TANC2: variants seen among roughly 807,000 people sequenced by gnomAD.
The protein encoded by TANC2 is tetratricopeptide repeat, ankyrin repeat and coiled-coil containing 2.
Under a neutral mutation model 210.5 loss-of-function variants are expected in TANC2, and 26 were observed. The ratio of observed to expected loss-of-function variants is 0.12; its 90% CI spans 0.09 to 0.17. The LOEUF is 0.17. TANC2 is among the 10% of genes least tolerant of loss of function. The pLI is 1.00. For missense variants in TANC2, 2,129 were observed against 2,608.9 expected (o/e 0.82, Z 4.01); for synonymous variants, 931 against 967.1 (o/e 0.96, Z 0.69).
At chr17:63,191,626 C>A (rs1189330561) in intron 5 of TANC2, among the ~76,000 whole-genome samples, 1 of 151,718 alleles carries the variant, frequency 6.6e-6, no homozygotes, top group African/African-American at 2.4e-5. Flanking sequence ...CCACACCCAG[C>A]CAATTTTTGT....
At chr17:63,095,053 A>G (rs979368466) in intron 3 of TANC2, among the ~76,000 whole-genome samples, 1 of 146,484 alleles carries the variant, frequency 6.8e-6, no homozygotes, top group Non-Finnish European at 1.5e-5. Context: ...TCCTTATGCT[A>G]TGCAACTTTG....
intron 7 of TANC2, among the ~76,000 whole-genome samples, chr17:63,225,256 TGAAACTCTC>T (rs966412291): frequency 2.0e-5 from 3 of 152,224 alleles, no homozygotes; most frequent in Non-Finnish European, 4.4e-5. Flanking sequence ...GTTTACTTTT[TGAAACTCTC>T]TCTTGCCTGA....
At chr17:63,165,935 T>C (rs963106173) in intron 5 of TANC2, among the ~76,000 whole-genome samples, 8 of 152,204 alleles carry the variant, frequency 5.3e-5, no homozygotes, top group African/African-American at 1.9e-4. Flanking sequence ...GTAAGAAATA[T>C]CAGTCTTAGA....
chr17:63,197,773 T>C (rs1044266825), intron 6 of TANC2: 4 of 152,162 alleles, frequency 2.6e-5, no homozygotes, highest in Admixed American at 2.6e-4. Context: ...TTAAGGGCAA[T>C]GGGAAAAACA....
intron 19 of TANC2, among the ~76,000 whole-genome samples, chr17:63,404,213 A>G (rs2048429843): frequency 6.6e-6 from 1 of 152,180 alleles, no homozygotes; most frequent in Non-Finnish European, 1.5e-5. Flanking sequence ...TTTTAAAACA[A>G]TAGACTTGTG....
At chr17:63,328,870 T>C (rs2045743726) in intron 11 of TANC2, among the ~76,000 whole-genome samples, 1 of 152,140 alleles carries the variant, frequency 6.6e-6, no homozygotes, top group Non-Finnish European at 1.5e-5. Flanking sequence ...TATATACATA[T>C]ATCAAAACAT....
chr17:63,074,755 T>C (rs1158862863), intron 3 of TANC2, among the ~76,000 whole-genome samples: 2 of 152,120 alleles, frequency 1.3e-5, no homozygotes, highest in Non-Finnish European at 2.9e-5. Flanking sequence ...AGTCACTAAA[T>C]AAATGGTGAA....
At position 63,133,090 on chromosome 17, in the gene TANC2, C is replaced by T. The variant is rs374333749; in HGVS notation, c.323-18180C>T. Among the ~76,000 whole-genome samples, 7 of 152,234 alleles carry T rather than the reference C, an allele frequency of 4.6e-5. No individual in the cohort carries two copies. The East Asian group carries it at 9.6e-4, about 21-fold the overall frequency. On this transcript the variant is annotated intron_variant, in intron 4 of 27. Coordinates refer to ENST00000689528, the Ensembl canonical transcript of TANC2. Reference sequence around the variant, plus strand: ...CTGGGTTCAAGCGATTCTCCTGCCTCAGTCTCCCAAGCAGCTGAGATTACA... The same window carrying T: ...CTGGGTTCAAGCGATTCTCCTGCCTTAGTCTCCCAAGCAGCTGAGATTACA...
rs1567826569 is a variant in TANC2, at chr17:63,220,716, A to AT, written c.770-17098_770-17097insT. Reference sequence around the variant, plus strand: ...AAGAATCAGTCTCAAAAAAAAAAAAAAAAATATATATATATATATATGTAT... The same window carrying AT: ...AAGAATCAGTCTCAAAAAAAAAAAAATAAAATATATATATATATATATGTAT... On this transcript the variant is annotated intron_variant, in intron 7 of 27. Transcript: ENST00000689528. Among the ~76,000 whole-genome samples the AT allele has an allele frequency of 4.0e-4, 51 of 127,064 alleles. 2 individuals are homozygous for AT. The highest frequency in any genetic ancestry group is 2.1e-3 in the East Asian group (10 of 4,810). The allele number at this position is 127,064 out of a possible 152,430, so 83.4% of individuals were successfully genotyped here. A position where few individuals can be genotyped will look rare whatever the true frequency, so the allele number is the denominator to read the frequency against.
In TANC2 at chr17:63,232,868, G is replaced by A. The variant is rs941155485; in HGVS notation, c.770-4946G>A. 3.3e-5 allele frequency among the ~76,000 whole-genome samples: 5 copies of A among 152,224 alleles called. No homozygotes were observed. In the East Asian group the frequency reaches 7.7e-4, roughly 23 times the overall value. On this transcript the variant is annotated intron_variant, in intron 7 of 27. Transcript: ENST00000689528. ...GCCAGCAGCGGGAAAGACTAAGTCC[G>A]CTGATCAACCGAGACTGCGGCTGCA... is the stretch of plus-strand genomic sequence containing the variant.
At chr17:62,986,851 G>A (rs944331382) in intron 1 of TANC2, among the ~76,000 whole-genome samples, 1 of 152,044 alleles carries the variant, frequency 6.6e-6, no homozygotes, top group South Asian at 2.1e-4. Context: ...CTGCAGAGCT[G>A]TTCCTCAGGC....
At chr17:63,247,769 T>C (rs2042957213) in intron 8 of TANC2, among the ~76,000 whole-genome samples, 1 of 152,112 alleles carries the variant, frequency 6.6e-6, no homozygotes, top group South Asian at 2.1e-4. Flanking sequence ...GTAGTACATA[T>C]TGACTGTGTT....
At chr17:63,410,340 C>CG (rs1567995889) in intron 21 of TANC2, among the ~76,000 whole-genome samples, 1 of 135,124 alleles carries the variant, frequency 7.4e-6, no homozygotes, top group Non-Finnish European at 1.6e-5. Flanking sequence ...TCTCCAATCC[C>CG]CCCCCCCCAT....
chr17:63,029,956 G>A (rs2034703313), intron 2 of TANC2, among the ~76,000 whole-genome samples: 2 of 152,124 alleles, frequency 1.3e-5, no homozygotes, highest in Admixed American at 6.6e-5. Flanking sequence ...GGGTGAGTAA[G>A]AAAGTTGCTA....
intron 3 of TANC2, among the ~76,000 whole-genome samples, chr17:63,094,999 C>T: frequency 6.6e-6 from 1 of 152,006 alleles, no homozygotes; most frequent in Non-Finnish European, 1.5e-5. Flanking sequence ...CTCCCCCGCC[C>T]CGCCTTTTTT....
intron 19 of TANC2, among the ~76,000 whole-genome samples, chr17:63,401,411 A>G (rs1446306300): frequency 6.6e-6 from 1 of 152,250 alleles, no homozygotes; most frequent in African/African-American, 2.4e-5. Flanking sequence ...ACAAAAACAA[A>G]CAACTTCTGC....
At position 63,326,888 on chromosome 17, in the gene TANC2, G is replaced by C. The variant is rs114276929; in HGVS notation, c.1575+7798G>C. 8.4e-3 allele frequency among the ~76,000 whole-genome samples: 1,275 copies of C among 152,244 alleles called. 14 individuals carry two copies. The highest frequency in any genetic ancestry group is 0.028 in the African/African-American group (1,167 of 41,540). ...GAAAAATAGACAAATGGAATGACATGTAAACTAAAAACCTTTTGCACAGCA... is the reference window on the plus strand; with the variant it reads ...GAAAAATAGACAAATGGAATGACATCTAAACTAAAAACCTTTTGCACAGCA... On this transcript the variant is annotated intron_variant, in intron 11 of 27. Transcript: ENST00000689528.
exon 12 of TANC2, chr17:63,340,302 G>A (rs1252944140): frequency 1.9e-6 from 3 of 1,613,878 alleles, no homozygotes; most frequent in South Asian, 1.1e-5. Flanking sequence ...CCGGAGGGGA[G>A]TTCTGGAGCC....
chr17:63,170,909 A>G (rs2040381621), intron 5 of TANC2, among the ~76,000 whole-genome samples: 1 of 152,064 alleles, frequency 6.6e-6, no homozygotes, highest in East Asian at 1.9e-4. Context: ...TTTGCCTATC[A>G]TTGTTATGGT....
Sources: allele counts gnomAD v4.1 joint callset (sites outside exome capture counted in the v4.1 genomes callset), GRCh38; gene constraint gnomAD v4.1.1; transcripts MANE v1.5; gene names NCBI Gene and HGNC (gene_info 2026-07-23, HGNC 2026-07-21).